LNPEP: variants seen among roughly 807,000 people sequenced by gnomAD.
LNPEP encodes leucyl and cystinyl aminopeptidase, also known as leucyl-cystinyl aminopeptidase.
Under a neutral mutation model 120.6 loss-of-function variants are expected in LNPEP, and 64 were observed. The observed-to-expected ratio is 0.53, with a 90% CI of 0.43 to 0.65. The LOEUF is 0.65. LNPEP is among the 30% of genes least tolerant of loss of function. The probability of loss-of-function intolerance (pLI) is 0.00; values close to 1 mark genes in which losing one functional copy is unlikely to be tolerated. For synonymous variants in LNPEP, 435 were observed against 425.4 expected (o/e 1.02, Z -0.28); for missense variants, 1,057 against 1,200.0 (o/e 0.88, Z 1.76).
chr5:96,957,757 T>A (rs1353784026), intron 1 of LNPEP, among the ~76,000 whole-genome samples: 1 of 152,218 alleles, frequency 6.6e-6, no homozygotes, highest in Non-Finnish European at 1.5e-5. Flanking sequence ...TGAGACCCAT[T>A]GTAGACTTCT....
intron 13 of LNPEP, among the ~76,000 whole-genome samples, chr5:97,021,149 T>C (rs1433894329): frequency 6.6e-6 from 1 of 152,238 alleles, no homozygotes; most frequent in African/African-American, 2.4e-5. Flanking sequence ...TAAGAGAATG[T>C]TCTGATATCT....
rs375535372 is a variant in LNPEP, at chr5:97,024,643, A to C, written c.2684A>C (p.Glu895Ala). 1.1e-5 allele frequency: 18 copies of C among 1,613,948 alleles called. No homozygotes were observed. The highest frequency in any genetic ancestry group is 1.4e-5 in the Non-Finnish European group (16 of 1,179,944). The change falls in exon 15 of 18, where the codon GAA (glutamate) becomes GCA (alanine). Residue 895 changes from glutamate to alanine, a missense_variant. Physicochemically the swap from Glu to Ala is moderately radical, Grantham distance 107. Coordinates refer to ENST00000231368, the MANE Select transcript of LNPEP (RefSeq NM_005575.3). The part of the protein sequence containing the change: ...GSEAEKNKIL[E>A]ALASSEDVRK... ...GAAGCAGAGAAGAACAAAATACTAG[A>C]AGCACTTGCCAGCTCAGAGGATGTG...
chr5:96,942,787 T>C (rs1287253411), intron 1 of LNPEP: 4 of 152,268 alleles, frequency 2.6e-5, no homozygotes, highest in Non-Finnish European at 2.9e-5. Flanking sequence ...GACGACTTAA[T>C]TGGTGCAGCA....
chr5:96,955,564 G>A (rs998412926), intron 1 of LNPEP, among the ~76,000 whole-genome samples: 2 of 152,168 alleles, frequency 1.3e-5, no homozygotes, highest in African/African-American at 4.8e-5. Context: ...GTAGTGAGCC[G>A]AGATTGTGCC....
intron 1 of LNPEP, among the ~76,000 whole-genome samples, chr5:96,944,278 G>T (rs763406327): frequency 4.6e-5 from 7 of 152,144 alleles, no homozygotes; most frequent in Non-Finnish European, 8.8e-5. Context: ...AATGAAAAGA[G>T]TCAAACTGTA....
intron 8 of LNPEP, among the ~76,000 whole-genome samples, chr5:97,000,207 A>C (rs575648449): frequency 6.6e-6 from 1 of 152,360 alleles, no homozygotes; most frequent in South Asian, 2.1e-4. Flanking sequence ...AATGGTGTTT[A>C]TAATATAATG....
intron 4 of LNPEP, among the ~76,000 whole-genome samples, chr5:96,992,392 T>A (rs973795861): frequency 6.6e-6 from 1 of 152,216 alleles, no homozygotes; most frequent in Non-Finnish European, 1.5e-5. Context: ...AAAAGTTAGC[T>A]GTCCGCAGCA....
chr5:97,002,336 G>C (rs1790675877), intron 8 of LNPEP, among the ~76,000 whole-genome samples: 1 of 152,120 alleles, frequency 6.6e-6, no homozygotes, highest in Non-Finnish European at 1.5e-5. Flanking sequence ...GAAAGGTAGA[G>C]AGTCTTTTAT....
chr5:97,026,189 A>G (rs1302386766), intron 15 of LNPEP, among the ~76,000 whole-genome samples: 1 of 152,188 alleles, frequency 6.6e-6, no homozygotes, highest in East Asian at 1.9e-4. Context: ...TGCTACGAAC[A>G]TTAATAAGAG....
At chr5:96,993,693 C>T (rs1582012147) in intron 5 of LNPEP, 124 bp from the exon 6 acceptor site, 3 of 914,524 alleles carry the variant, frequency 3.3e-6, no homozygotes, top group Non-Finnish European at 5.1e-6. Flanking sequence ...AAGGAAGATT[C>T]CATTTATTGT....
rs555479699 is a variant in LNPEP at position 96,985,125 on chromosome 5, T to G, written c.906T>G (p.Ala302=). The G allele has an allele frequency of 3.3e-5, 53 of 1,614,022 alleles. No homozygotes were observed. The South Asian group carries it at 5.3e-4, about 16-fold the overall frequency. Residue 302 remains alanine, a synonymous_variant, in exon 3 of 18, where the codon GCT becomes GCG. Transcript: ENST00000231368. The stretch of plus-strand genomic sequence containing the variant: ...TTGAACCCCTGGCAGCAAGATCTGC[T>G]TTTCCTTGTTTTGATGAACCAGCAT... ...TQFEPLAARS[A]FPCFDEPAFK... is the part of the protein sequence containing the mutation.
chr5:96,990,871 G>A (rs1228299178), intron 4 of LNPEP, among the ~76,000 whole-genome samples: 3 of 152,154 alleles, frequency 2.0e-5, no homozygotes, highest in South Asian at 2.1e-4. Context: ...AGACAATATG[G>A]TTGAAACCTA....
intron 8 of LNPEP, among the ~76,000 whole-genome samples, 178 bp downstream of exon 8, chr5:96,998,323 T>C (rs1006492954): frequency 6.6e-6 from 1 of 152,196 alleles, no homozygotes; most frequent in African/African-American, 2.4e-5. Flanking sequence ...TGTGGGTTTT[T>C]TTCTTTCTCT....
At chr5:97,024,773 T>C in intron 15 of LNPEP, 91 bp downstream of exon 15, 1 of 1,157,858 alleles carries the variant, frequency 8.6e-7, no homozygotes, top group Non-Finnish European at 1.2e-6. Context: ...AGGGGATCTC[T>C]TTTCCCCACT....
At chr5:96,980,170 T>TG (rs1433035235) in intron 2 of LNPEP, among the ~76,000 whole-genome samples, 192 bp downstream of exon 2, 1 of 152,030 alleles carries the variant, frequency 6.6e-6, no homozygotes, top group Non-Finnish European at 1.5e-5. Flanking sequence ...TATATCATGG[T>TG]GGGGTGGAGA....
intron 1 of LNPEP, among the ~76,000 whole-genome samples, chr5:96,968,397 G>A (rs374319879): frequency 7.2e-5 from 11 of 152,164 alleles, no homozygotes; most frequent in African/African-American, 1.9e-4. Flanking sequence ...AGATAGTGTC[G>A]TTTACTATAA....
chr5:97,006,521 AC>A lies in LNPEP; in HGVS notation c.2035+7del, dbSNP rs1790791216. On this transcript the variant is annotated splice_region_variant and intron_variant, in intron 11 of 17. Coordinates refer to ENST00000231368, the MANE Select transcript of LNPEP (RefSeq NM_005575.3). ...ATTACTGGATAAGAAATCAGGTTTG[AC>A]TATAATGACAGTTCTGATTGGAAAT... 1 of 1,374,782 alleles carries A rather than the reference AC, an allele frequency of 7.3e-7. No individual in the cohort carries two copies. Among genetic ancestry groups the A allele is most frequent in the African/African-American group, 1.4e-5 (1 of 69,886 alleles). 85.2% of individuals were successfully genotyped at this position (1,374,782 alleles called of 1,614,324 possible).
intron 3 of LNPEP, among the ~76,000 whole-genome samples, chr5:96,986,086 A>G (rs1790236217): frequency 6.6e-6 from 1 of 151,126 alleles, no homozygotes; most frequent in Non-Finnish European, 1.5e-5. Context: ...CTTTGTTCCC[A>G]CTAAGCTTTC....
At chr5:96,972,964 A>G (rs1422142525) in intron 1 of LNPEP, among the ~76,000 whole-genome samples, 1 of 152,136 alleles carries the variant, frequency 6.6e-6, no homozygotes, top group East Asian at 1.9e-4. Context: ...GAACTAGAAA[A>G]TTAAAGGTGT....
Sources: gnomAD v4.1 joint callset for allele counts (sites outside exome capture counted in the v4.1 genomes callset) on GRCh38, gnomAD v4.1.1 for gene constraint, MANE v1.5 for transcripts, NCBI Gene and HGNC (gene_info 2026-07-23, HGNC 2026-07-21) for gene names.